ASTN2: variants seen among roughly 807,000 people sequenced by gnomAD.
ASTN2 encodes astrotactin-2.
A neutral mutation model predicts 139.8 loss-of-function variants in ASTN2; 54 were observed. The observed-to-expected ratio is 0.39, with a 90% CI of 0.31 to 0.48. The LOEUF is 0.48. Among genes scored for constraint, ASTN2 ranks in the 20% least tolerant of loss-of-function variants. ASTN2 has a pLI of 0.95. For synonymous variants in ASTN2, 756 were observed against 719.5 expected (o/e 1.05, Z -0.81); for missense variants, 1,565 against 1,725.1 (o/e 0.91, Z 1.64).
chr9:117,220,011 T>C (rs1262823562), intron 2 of ASTN2, among the ~76,000 whole-genome samples: 3 of 152,318 alleles, frequency 2.0e-5, no homozygotes, highest in Non-Finnish European at 4.4e-5. Context: ...TGGACTGCAA[T>C]AGGCTCCCTT....
intron 20 of ASTN2, among the ~76,000 whole-genome samples, chr9:116,454,274 T>G (rs1240044779): frequency 6.6e-6 from 1 of 152,138 alleles, no homozygotes; most frequent in South Asian, 2.1e-4. Context: ...CTATACCCTA[T>G]GACAAAGTAG....
chr9:117,338,583 T>C (rs970762652), intron 1 of ASTN2, among the ~76,000 whole-genome samples: 3 of 152,108 alleles, frequency 2.0e-5, no homozygotes, highest in Non-Finnish European at 4.4e-5. Flanking sequence ...CCCTAACACG[T>C]AGAAGAAAAC....
At chr9:117,250,853 G>A (rs1057419615) in intron 2 of ASTN2, among the ~76,000 whole-genome samples, 12 of 152,212 alleles carry the variant, frequency 7.9e-5, no homozygotes, top group African/African-American at 2.9e-4. Flanking sequence ...GGGCTTCTAG[G>A]AGGAAGTAAT....
chr9:116,461,880 C>T (rs984812061), intron 20 of ASTN2, among the ~76,000 whole-genome samples: 3 of 152,082 alleles, frequency 2.0e-5, no homozygotes, highest in African/African-American at 4.8e-5. Flanking sequence ...CACAGATGGA[C>T]GACAACAGTG....
intron 13 of ASTN2, 144 bp downstream of exon 13, chr9:116,805,488 A>T: frequency 1.5e-6 from 1 of 671,744 alleles, no homozygotes; most frequent in African/African-American, 1.8e-5. Flanking sequence ...GACTTTCCAC[A>T]CTCCTTAAGA....
intron 10 of ASTN2, among the ~76,000 whole-genome samples, chr9:116,896,471 AGGTGCC>A (rs1210456938): frequency 1.3e-5 from 2 of 152,078 alleles, no homozygotes; most frequent in East Asian, 3.9e-4. Flanking sequence ...CTGGGATTAC[AGGTGCC>A]TGGCTAATTT....
At chr9:116,677,606 C>T (rs376409450) in intron 16 of ASTN2, among the ~76,000 whole-genome samples, 1 of 152,128 alleles carries the variant, frequency 6.6e-6, no homozygotes, top group Non-Finnish European at 1.5e-5. Flanking sequence ...CCCCCACCCC[C>T]CACTGGAAGA....
rs1203553131 is a variant in ASTN2, at chr9:116,632,158, C to CAGAG, written c.3073-11719_3073-11716dup. 7.1e-4 allele frequency among the ~76,000 whole-genome samples: 27 copies of CAGAG among 38,092 alleles called. 1 individual carries two copies. Among genetic ancestry groups the CAGAG allele is most frequent in the East Asian group, 2.8e-3 (3 of 1,082 alleles). The allele number at this position is 38,092 out of a possible 152,430, so 25.0% of individuals were successfully genotyped here. On this transcript the variant is annotated intron_variant, in intron 17 of 22. Transcript: ENST00000313400. Reference sequence around the variant, plus strand: ...AGAGAGAGAGAGAGAGAGAGAGAGACAGAGAGAGAGAGAGAGAGAGAGAGA... The same window carrying CAGAG: ...AGAGAGAGAGAGAGAGAGAGAGAGACAGAGAGAGAGAGAGAGAGAGAGAGAGAGA...
intron 19 of ASTN2, among the ~76,000 whole-genome samples, chr9:116,544,622 T>C (rs570494735): frequency 3.3e-4 from 50 of 152,276 alleles, no homozygotes; most frequent in Non-Finnish European, 6.8e-4. Context: ...AGTTATTTGA[T>C]GGATTGGTTC....
chr9:116,783,526 T>C (rs1830278717), intron 13 of ASTN2, among the ~76,000 whole-genome samples: 1 of 152,188 alleles, frequency 6.6e-6, no homozygotes, highest in East Asian at 1.9e-4. Context: ...CATCTGTTGC[T>C]TTAAACATTG....
intron 1 of ASTN2, among the ~76,000 whole-genome samples, chr9:117,321,215 G>T (rs1037726293): frequency 2.6e-5 from 4 of 152,202 alleles, no homozygotes; most frequent in African/African-American, 7.2e-5. Context: ...AATATCTGTG[G>T]ATGCAGTAGA....
chr9:116,760,282 G>T (rs1386069616), intron 13 of ASTN2, among the ~76,000 whole-genome samples: 1 of 152,174 alleles, frequency 6.6e-6, no homozygotes, highest in Non-Finnish European at 1.5e-5. Flanking sequence ...GTGTCTCAGT[G>T]TTAAGACTAT....
intron 11 of ASTN2, among the ~76,000 whole-genome samples, chr9:116,843,004 C>T (rs1832309556): frequency 6.6e-6 from 1 of 152,198 alleles, no homozygotes; most frequent in Non-Finnish European, 1.5e-5. Flanking sequence ...CAGTATCTCT[C>T]TCCACATTTT....
At chr9:116,897,673 A>C (rs1474032185) in intron 10 of ASTN2, among the ~76,000 whole-genome samples, 1 of 152,284 alleles carries the variant, frequency 6.6e-6, no homozygotes, top group African/African-American at 2.4e-5. Context: ...AACTGAATCT[A>C]TATGTGTCAC....
intron 1 of ASTN2, among the ~76,000 whole-genome samples, chr9:117,369,983 G>T (rs937765407): frequency 6.6e-6 from 1 of 151,988 alleles, no homozygotes; most frequent in South Asian, 2.1e-4. Flanking sequence ...GTCATGGCAC[G>T]CTAGTTAACA....
chr9:117,025,963 C>G (rs188758561), intron 6 of ASTN2, among the ~76,000 whole-genome samples: 1 of 151,986 alleles, frequency 6.6e-6, no homozygotes, highest in Admixed American at 6.6e-5. Flanking sequence ...CAGGGTTTCA[C>G]TGTGTTGGTC....
intron 20 of ASTN2, among the ~76,000 whole-genome samples, chr9:116,466,517 CTT>C (rs1274241084): frequency 3.9e-5 from 6 of 152,192 alleles, no homozygotes; most frequent in Non-Finnish European, 7.3e-5. Flanking sequence ...CACCTATTCT[CTT>C]TTCATAAATT....
intron 4 of ASTN2, among the ~76,000 whole-genome samples, chr9:117,122,304 A>G (rs1829577370): frequency 6.6e-6 from 1 of 152,206 alleles, no homozygotes; most frequent in South Asian, 2.1e-4. Context: ...TGACTCTCAC[A>G]TAAGATGAGA....
intron 10 of ASTN2, among the ~76,000 whole-genome samples, chr9:116,893,250 C>T (rs1475996278): frequency 6.6e-6 from 1 of 151,976 alleles, no homozygotes; most frequent in Admixed American, 6.6e-5. Flanking sequence ...TAATCTTACT[C>T]CAAGGACATT....
Sources: allele counts gnomAD v4.1 joint callset (sites outside exome capture counted in the v4.1 genomes callset), GRCh38; gene constraint gnomAD v4.1.1; transcripts MANE v1.5; gene names NCBI Gene and HGNC (gene_info 2026-07-23, HGNC 2026-07-21).